HHAT: variants seen among roughly 807,000 people sequenced by gnomAD.
HHAT encodes the protein protein-cysteine N-palmitoyltransferase HHAT.
Under a neutral mutation model 70.8 loss-of-function variants are expected in HHAT, and 47 were observed. That is an observed-to-expected ratio of 0.66 (90% CI 0.53 to 0.85). The LOEUF is 0.85. Ranked by LOEUF, HHAT falls within the 40% of genes least tolerant of loss-of-function variation. The pLI, the probability that HHAT is intolerant of heterozygous loss-of-function variation, is 0.00. For missense variants in HHAT, 609 were observed against 604.8 expected (o/e 1.01, Z -0.07); for synonymous variants, 228 against 247.6 (o/e 0.92, Z 0.74).
At chr1:210,577,291 A>G (rs1477749035) in intron 9 of HHAT, among the ~76,000 whole-genome samples, 1 of 152,136 alleles carries the variant, frequency 6.6e-6, no homozygotes, top group African/African-American at 2.4e-5. Context: ...CAGTTTTTCA[A>G]TGTCAAACAT....
At chr1:210,498,172 G>T (rs1447851787) in intron 8 of HHAT, among the ~76,000 whole-genome samples, 1 of 152,154 alleles carries the variant, frequency 6.6e-6, no homozygotes, top group Non-Finnish European at 1.5e-5. Flanking sequence ...TAAATGTAAA[G>T]AAATTACATT....
At chr1:210,544,367 GTTTTTTTTT>G (rs569514246) in intron 9 of HHAT, among the ~76,000 whole-genome samples, 16 of 90,050 alleles carry the variant, frequency 1.8e-4, no homozygotes, top group African/African-American at 6.0e-4. Context: ...TCTTTCTTTC[GTTTTTTTTT>G]TTTTTTTTTT....
intron 7 of HHAT, among the ~76,000 whole-genome samples, chr1:210,422,519 T>G (rs939867952): frequency 3.3e-5 from 5 of 152,268 alleles, no homozygotes; most frequent in African/African-American, 1.2e-4. Flanking sequence ...ACTTTCTGTT[T>G]CTAGCTTATT....
intron 11 of HHAT, chr1:210,631,272 C>T (rs913909913): frequency 2.7e-6 from 1 of 373,758 alleles, no homozygotes; most frequent in Admixed American, 3.4e-5. Context: ...ACACCATGAA[C>T]CATCCCTGGG....
intron 9 of HHAT, among the ~76,000 whole-genome samples, chr1:210,572,630 G>A (rs990654637): frequency 1.7e-4 from 26 of 151,436 alleles, no homozygotes; most frequent in South Asian, 8.3e-4. Flanking sequence ...TTTGTGGCTC[G>A]TGCCTGTAAT....
At chr1:210,622,390 T>A (rs1669009758) in intron 10 of HHAT, among the ~76,000 whole-genome samples, 3 of 152,190 alleles carry the variant, frequency 2.0e-5, no homozygotes, top group Admixed American at 1.3e-4. Context: ...CTGGTTCTCA[T>A]TCTGAACACA....
intron 9 of HHAT, among the ~76,000 whole-genome samples, chr1:210,561,497 A>T (rs931442330): frequency 6.6e-5 from 10 of 152,142 alleles, no homozygotes; most frequent in Non-Finnish European, 8.8e-5. Context: ...ACCTCATATC[A>T]TAGGTTTACG....
chr1:210,587,213 G>GA (rs763550075), intron 9 of HHAT, among the ~76,000 whole-genome samples: 1 of 152,132 alleles, frequency 6.6e-6, no homozygotes, highest in Non-Finnish European at 1.5e-5. Flanking sequence ...AATTTATAAA[G>GA]AAAAAACACT....
At chr1:210,640,199 A>G (rs1672712875) in intron 11 of HHAT, among the ~76,000 whole-genome samples, 1 of 152,218 alleles carries the variant, frequency 6.6e-6, no homozygotes, top group Non-Finnish European at 1.5e-5. Context: ...CGAAGGTGGC[A>G]AGAACTCAGC....
At chr1:210,585,357 TA>T (rs569006869) in intron 9 of HHAT, among the ~76,000 whole-genome samples, 12 of 150,262 alleles carry the variant, frequency 8.0e-5, no homozygotes, top group African/African-American at 1.9e-4. Flanking sequence ...GTTGAAGCAG[TA>T]AAAAAAAAAT....
chr1:210,473,854 C>G (rs2094253686), intron 8 of HHAT, among the ~76,000 whole-genome samples: 2 of 152,222 alleles, frequency 1.3e-5, no homozygotes, highest in Admixed American at 1.3e-4. Flanking sequence ...GGTCTGCTAG[C>G]TCTACCTTAT....
In HHAT at chr1:210,588,078, T is replaced by C; in HGVS notation, c.1224T>C (p.Thr408=). Residue 408 remains threonine, a synonymous_variant, in exon 10 of 12, where the codon ACT becomes ACC. Coordinates refer to ENST00000261458, the MANE Select transcript of HHAT (RefSeq NM_018194.6). The part of the protein sequence containing the change: ...VENGVRRLVE[T]PCIQDSLARY... ...ATGGAGTCCGGAGGCTGGTGGAGAC[T>C]CCCTGCATCCAGGACAGTCTGGTGA... The C allele has an allele frequency of 6.2e-7, 1 of 1,608,658 alleles. No homozygotes were observed.
At chr1:210,549,125 A>ATTATTCAAGATAAAACTTTATC (rs879475456) in intron 9 of HHAT, among the ~76,000 whole-genome samples, 7 of 132,450 alleles carry the variant, frequency 5.3e-5, no homozygotes, top group East Asian at 4.0e-4. Flanking sequence ...AAATTGGGAT[A>ATTATTCAAGATAAAACTTTATC]ATAACGGCAT....
chr1:210,464,330 A>G lies in HHAT; in HGVS notation c.857-175A>G, dbSNP rs575322847. Among the ~76,000 whole-genome samples the G allele has an allele frequency of 3.4e-4, 52 of 152,320 alleles. 1 individual carries two copies. The highest frequency in any genetic ancestry group is 6.3e-4 in the Non-Finnish European group (43 of 68,030). On this transcript the variant is annotated intron_variant, in intron 7 of 11. Coordinates refer to ENST00000261458, the MANE Select transcript of HHAT (RefSeq NM_018194.6). ...ATGAAATTTCATTGTTTGTTAACCA[A>G]AAAATTTCATTGAATAAAACCAGTG... is the stretch of plus-strand genomic sequence containing the variant.
At chr1:210,548,837 C>T (rs2095505207) in intron 9 of HHAT, among the ~76,000 whole-genome samples, 1 of 152,168 alleles carries the variant, frequency 6.6e-6, no homozygotes, top group African/African-American at 2.4e-5. Context: ...TTTTATCTGC[C>T]TATTAAGGCA....
At chr1:210,555,049 G>A (rs1219407536) in intron 9 of HHAT, among the ~76,000 whole-genome samples, 4 of 152,144 alleles carry the variant, frequency 2.6e-5, no homozygotes, top group Non-Finnish European at 1.5e-5. Flanking sequence ...GAAAGAATAT[G>A]TTGAACTTAA....
intron 9 of HHAT, among the ~76,000 whole-genome samples, chr1:210,549,477 G>A (rs1337160610): frequency 2.0e-5 from 3 of 148,462 alleles, no homozygotes; most frequent in Non-Finnish European, 4.4e-5. Flanking sequence ...ATAAGAAGAA[G>A]AGTGTGCAAA....
At chr1:210,364,033 C>G (rs538192922) in intron 3 of HHAT, among the ~76,000 whole-genome samples, 30 of 152,276 alleles carry the variant, frequency 2.0e-4, no homozygotes, top group Middle Eastern at 6.8e-3. Flanking sequence ...GTAGCCTGTT[C>G]CTTTCTCCCA....
chr1:210,585,592 T>G (rs1480147819), intron 9 of HHAT, among the ~76,000 whole-genome samples: 2 of 152,120 alleles, frequency 1.3e-5, no homozygotes, highest in Non-Finnish European at 2.9e-5. Context: ...CTGATTTTTG[T>G]ATTTTTGGTC....
Sources: gnomAD v4.1 joint callset for allele counts (sites outside exome capture counted in the v4.1 genomes callset) on GRCh38, gnomAD v4.1.1 for gene constraint, MANE v1.5 for transcripts, NCBI Gene and HGNC (gene_info 2026-07-23, HGNC 2026-07-21) for gene names.